Variants in MICAL2 observed in about 807,000 individuals in gnomAD.
MICAL2 encodes the protein microtubule associated monooxygenase, calponin and LIM domain containing 2, also known as [F-actin]-monooxygenase MICAL2.
A neutral mutation model predicts 127.3 loss-of-function variants in MICAL2; 77 were observed. The ratio of observed to expected loss-of-function variants is 0.60; its 90% CI spans 0.50 to 0.73. MICAL2 has a LOEUF of 0.73. MICAL2 is among the 30% of genes least tolerant of loss of function. The probability of loss-of-function intolerance (pLI) is 0.00; values close to 1 mark genes in which losing one functional copy is unlikely to be tolerated. For synonymous variants in MICAL2, 570 were observed against 551.1 expected, an observed-to-expected ratio of 1.03 and a Z score of -0.48; for missense variants, 1,351 against 1,434.4, an observed-to-expected ratio of 0.94 and a Z score of 0.94.
chr11:12,223,395 T>C lies in MICAL2; in HGVS notation c.1450-16T>C, dbSNP rs757421174. 6.2e-7 allele frequency: 1 copy of C among 1,606,006 alleles called. No homozygotes were observed. Among genetic ancestry groups the C allele is most frequent in the African/African-American group, 1.3e-5 (1 of 74,708 alleles). ...GGGGGAAAACTGGTGGGCAAGCATG[T>C]CTCTCTTGCTCATAGGTGAAGCATT... On this transcript the variant is annotated splice_polypyrimidine_tract_variant and intron_variant, in intron 11 of 27. Coordinates refer to ENST00000683283, the MANE Select transcript of MICAL2 (RefSeq NM_001282663.2).
chr11:12,204,530 T>G, intron 4 of MICAL2, 73 bp downstream of exon 4: 1 of 1,458,478 alleles, frequency 6.9e-7, no homozygotes, highest in Non-Finnish European at 9.5e-7. Context: ...TCTCCAGGTC[T>G]AGGAGTCCCC....
At chr11:12,284,125 G>A (rs1468000862) in intron 2 of MICAL2, among the ~76,000 whole-genome samples, 2 of 152,156 alleles carry the variant, frequency 1.3e-5, no homozygotes, top group Non-Finnish European at 1.5e-5. Context: ...TAAATGAATC[G>A]ATCTAGTGCA....
intron 32 of MICAL2, among the ~76,000 whole-genome samples, chr11:12,328,936 G>A (rs1459038167): frequency 5.0e-5 from 7 of 140,630 alleles, no homozygotes; most frequent in Non-Finnish European, 1.1e-4. Flanking sequence ...GGGTCCTGAG[G>A]TTTCAGTTTC....
downstream of MICAL2, among the ~76,000 whole-genome samples, chr11:12,289,170 C>T (rs1038489508): frequency 2.6e-5 from 4 of 151,994 alleles, no homozygotes; most frequent in African/African-American, 7.3e-5. Context: ...GTAGCACAAG[C>T]GCCTGACCCA....
intron 14 of MICAL2, among the ~76,000 whole-genome samples, 167 bp from the exon 15 acceptor site, chr11:12,226,858 G>A (rs1489493769): frequency 6.6e-6 from 1 of 151,868 alleles, no homozygotes; most frequent in African/African-American, 2.4e-5. Flanking sequence ...GTTTCACTGT[G>A]TTAGCCAGGA....
At chr11:12,193,206 G>A (rs117817836) in intron 3 of MICAL2, among the ~76,000 whole-genome samples, 29 of 152,332 alleles carry the variant, frequency 1.9e-4, no homozygotes, top group South Asian at 4.1e-4. Flanking sequence ...AGAAAGAGAA[G>A]GGGAACACTC....
chr11:12,281,696 G>T (rs1863773541), intron 2 of MICAL2, among the ~76,000 whole-genome samples: 1 of 152,226 alleles, frequency 6.6e-6, no homozygotes, highest in South Asian at 2.1e-4. Context: ...GGGGTAACTA[G>T]TGCGAAGCCT....
chr11:12,358,565 G>A (rs573702305), downstream of MICAL2: 25 of 1,325,004 alleles, frequency 1.9e-5, no homozygotes, highest in African/African-American at 2.9e-4. Context: ...CTTTCTGCAG[G>A]ATTTATCATC....
At chr11:12,355,664 G>C (rs1939117802) in intron 34 of MICAL2, among the ~76,000 whole-genome samples, 1 of 152,154 alleles carries the variant, frequency 6.6e-6, no homozygotes, top group Non-Finnish European at 1.5e-5. Context: ...TCACTGATTT[G>C]TATTTAGGTA....
downstream of MICAL2, among the ~76,000 whole-genome samples, chr11:12,359,679 G>A (rs879499270): frequency 3.3e-5 from 5 of 152,306 alleles, no homozygotes; most frequent in Middle Eastern, 6.8e-3. Flanking sequence ...CATTATGAGG[G>A]TTCCCATGGG....
chr11:12,322,984 T>G (rs1017036389), intron 30 of MICAL2, among the ~76,000 whole-genome samples: 14 of 152,202 alleles, frequency 9.2e-5, no homozygotes, highest in Admixed American at 1.3e-4. Context: ...GTTCAGAATG[T>G]TGTGTGACAT....
At chr11:12,188,506 A>G (rs1426292812) in intron 3 of MICAL2, among the ~76,000 whole-genome samples, 7 of 152,148 alleles carry the variant, frequency 4.6e-5, no homozygotes, top group African/African-American at 1.7e-4. Flanking sequence ...TGAACATCCT[A>G]CAATGCACAG....
intron 1 of MICAL2, among the ~76,000 whole-genome samples, chr11:12,137,332 G>T (rs1381293090): frequency 6.6e-6 from 1 of 152,208 alleles, no homozygotes; most frequent in East Asian, 1.9e-4. Flanking sequence ...CCTCAGCTTG[G>T]TGGGAAAGAC....
chr11:12,308,270 TG>T (rs1428109839), intron 29 of MICAL2: 3 of 152,172 alleles, frequency 2.0e-5, no homozygotes. Context: ...CTAGGTCTTT[TG>T]TGTTTTCATA....
At chr11:12,230,719 C>CCG (rs1554991872) in intron 15 of MICAL2, among the ~76,000 whole-genome samples, 2 of 151,674 alleles carry the variant, frequency 1.3e-5, no homozygotes, top group African/African-American at 2.4e-5. Context: ...TTCTTTCCCC[C>CCG]CCCATCTTAT....
Position 12,224,236 on chromosome 11 carries a change from A to G in MICAL2, c.1541-437A>G, listed in dbSNP as rs1031206050. Among the ~76,000 whole-genome samples the G allele has an allele frequency of 1.8e-4, 27 of 152,188 alleles. 1 individual carries two copies. Among genetic ancestry groups the G allele is most frequent in the African/African-American group, 6.5e-4 (27 of 41,446 alleles). On this transcript the variant is annotated intron_variant, in intron 12 of 27. Transcript: ENST00000683283. ...GATAAGTTCCTAGATGCTCTCAAAG[A>G]ACAAGCTCAAACGTACCTCCCCATT...
chr11:12,245,467 G>A (rs1409735116), intron 21 of MICAL2, among the ~76,000 whole-genome samples: 1 of 152,222 alleles, frequency 6.6e-6, no homozygotes, highest in Non-Finnish European at 1.5e-5. Flanking sequence ...GGTGTAGGTA[G>A]AGTCCCTAAG....
chr11:12,335,220 T>G (rs1363374867), intron 32 of MICAL2, among the ~76,000 whole-genome samples: 1 of 152,102 alleles, frequency 6.6e-6, no homozygotes, highest in Middle Eastern at 3.4e-3. Flanking sequence ...TGAGCCTCTT[T>G]TCATGTGTTT....
chr11:12,310,912 GT>G (rs202068717), intron 29 of MICAL2, among the ~76,000 whole-genome samples: 6 of 151,310 alleles, frequency 4.0e-5, no homozygotes, highest in East Asian at 3.9e-4. Flanking sequence ...TATTCCTAGG[GT>G]TTTTTTTATT....
Sources: gnomAD v4.1 joint callset for allele counts (sites outside exome capture counted in the v4.1 genomes callset) on GRCh38, gnomAD v4.1.1 for gene constraint, MANE v1.5 for transcripts, NCBI Gene and HGNC (gene_info 2026-07-23, HGNC 2026-07-21) for gene names.